The following PTCHD4 variants were observed in gnomAD, a reference collection of about 807,000 sequenced individuals.
PTCHD4 encodes the protein patched domain-containing protein 4.
Under a neutral mutation model 58.1 loss-of-function variants are expected in PTCHD4, and 33 were observed. The ratio of observed to expected loss-of-function variants is 0.57; its 90% confidence interval spans 0.43 to 0.76. PTCHD4 has a LOEUF of 0.76. Among genes scored for constraint, PTCHD4 ranks in the 30% least tolerant of loss-of-function variants. The pLI is 0.00. For missense variants in PTCHD4, 1,058 were observed against 1,027.1 expected, an observed-to-expected ratio of 1.03 and a Z score of -0.41; for synonymous variants, 478 against 409.6, an observed-to-expected ratio of 1.17 and a Z score of -2.02.
intron 4 of PTCHD4, among the ~76,000 whole-genome samples, chr6:47,930,987 G>T (rs532100506): frequency 1.1e-4 from 16 of 152,288 alleles, no homozygotes; most frequent in African/African-American, 3.4e-4. Context: ...GTTTCACCAT[G>T]TTGGCTAAGC....
At chr6:47,896,883 C>G (rs1243121787) in intron 4 of PTCHD4, among the ~76,000 whole-genome samples, 1 of 152,148 alleles carries the variant, frequency 6.6e-6, no homozygotes, top group Non-Finnish European at 1.5e-5. Flanking sequence ...GACCAAAACC[C>G]AAATCGTCAG....
At chr6:47,929,083 G>A (rs1765725186) in intron 4 of PTCHD4, among the ~76,000 whole-genome samples, 1 of 152,012 alleles carries the variant, frequency 6.6e-6, no homozygotes, top group African/African-American at 2.4e-5. Context: ...TCATACATTG[G>A]TATCTAATAT....
intron 4 of PTCHD4, among the ~76,000 whole-genome samples, chr6:47,913,719 C>T (rs1765140370): frequency 6.6e-6 from 1 of 152,106 alleles, no homozygotes. Context: ...CTTCTCATTT[C>T]AAGGCTCCAG....
intron 4 of PTCHD4, among the ~76,000 whole-genome samples, chr6:47,932,380 CTA>C (rs1326249339): frequency 6.6e-6 from 1 of 152,090 alleles, no homozygotes; most frequent in African/African-American, 2.4e-5. Flanking sequence ...AAGATGGGGG[CTA>C]GAGGTGGAAA....
At chr6:47,934,873 G>T (rs1331253837) in intron 4 of PTCHD4, among the ~76,000 whole-genome samples, 1 of 152,102 alleles carries the variant, frequency 6.6e-6, no homozygotes, top group Admixed American at 6.5e-5. Context: ...TTAAATAAAT[G>T]TTCAAACTTC....
At chr6:48,047,959 A>C (rs1169170415) in intron 3 of PTCHD4, among the ~76,000 whole-genome samples, 2 of 151,310 alleles carry the variant, frequency 1.3e-5, no homozygotes, top group African/African-American at 4.9e-5. Context: ...TACACATAAG[A>C]ATTCTCTCAC....
intron 4 of PTCHD4, among the ~76,000 whole-genome samples, chr6:47,896,955 T>C (rs1764545361): frequency 6.6e-6 from 1 of 152,204 alleles, no homozygotes; most frequent in African/African-American, 2.4e-5. Context: ...GCAATGACTG[T>C]GTCTTGCCAT....
intron 4 of PTCHD4, among the ~76,000 whole-genome samples, chr6:47,968,287 G>A (rs757371144): frequency 2.0e-5 from 3 of 152,132 alleles, no homozygotes; most frequent in Non-Finnish European, 4.4e-5. Context: ...TAAGTTTGAT[G>A]TCTTACATGG....
intron 4 of PTCHD4, among the ~76,000 whole-genome samples, chr6:48,007,462 G>A (rs772098659): frequency 1.3e-5 from 2 of 152,126 alleles, no homozygotes; most frequent in East Asian, 1.9e-4. Context: ...TGCCAATAAA[G>A]CTGTAATTCA....
chr6:47,889,523 T>A (rs1319005401), intron 4 of PTCHD4, among the ~76,000 whole-genome samples: 1 of 152,184 alleles, frequency 6.6e-6, no homozygotes, highest in African/African-American at 2.4e-5. Context: ...CTTGTAAATT[T>A]GTTTGAGTTC....
intron 4 of PTCHD4, among the ~76,000 whole-genome samples, chr6:47,893,588 C>T (rs1257210725): frequency 1.3e-5 from 2 of 152,218 alleles, no homozygotes; most frequent in Admixed American, 1.3e-4. Flanking sequence ...TGAACTACTC[C>T]ATGGCTCGAT....
At chr6:48,045,065 C>A (rs75067380) in intron 3 of PTCHD4, among the ~76,000 whole-genome samples, 32,492 of 151,694 alleles carry the variant, frequency 0.21, 3,668 homozygotes, top group South Asian at 0.31. Flanking sequence ...TCCATCTCTG[C>A]CACAATGGTT....
intron 3 of PTCHD4, among the ~76,000 whole-genome samples, chr6:48,030,858 G>A (rs778623725): frequency 6.6e-6 from 1 of 152,002 alleles, no homozygotes; most frequent in Non-Finnish European, 1.5e-5. Flanking sequence ...TATTTTCATA[G>A]AAATATCCCT....
intron 4 of PTCHD4, among the ~76,000 whole-genome samples, chr6:47,971,138 A>G (rs935505541): frequency 1.3e-5 from 2 of 152,190 alleles, no homozygotes; most frequent in African/African-American, 4.8e-5. Context: ...CGGAACACTG[A>G]AACCCAAACA....
chr6:47,931,580 A>G (rs1765823021), intron 4 of PTCHD4, among the ~76,000 whole-genome samples: 1 of 152,228 alleles, frequency 6.6e-6, no homozygotes, highest in South Asian at 2.1e-4. Context: ...AGGAGCAATG[A>G]AATAATTCCT....
Position 48,068,539 on chromosome 6 carries a change from G to A in PTCHD4, c.108C>T (p.Ser36=). 1.2e-6 allele frequency: 2 copies of A among 1,608,366 alleles called. No individual in the cohort carries two copies. The highest frequency in any genetic ancestry group is 8.5e-7 in the Non-Finnish European group (1 of 1,178,862). The change falls in exon 3 of 5, where the codon AGC becomes AGT. Residue 36 remains serine, a synonymous_variant. Coordinates refer to ENST00000339488, the MANE Select transcript of PTCHD4 (RefSeq NM_001384253.1). This position sits in a 1 kb window ranked among gnomAD's most constrained non-coding sequence, Gnocchi z 4.2. ...SFCHRLGLCV[S]RHPVFFLTVP... is the part of the protein sequence containing the mutation. ...CGGTGAGGAAAAAGACCGGGTGCCG[G>A]CTCACGCACAAACCCAGCCTGTGGC...
intron 4 of PTCHD4, among the ~76,000 whole-genome samples, chr6:47,938,671 T>C (rs552390523): frequency 6.6e-6 from 1 of 152,330 alleles, no homozygotes; most frequent in East Asian, 1.9e-4. Context: ...AATGAATTTA[T>C]AGTGAGAATA....
chr6:47,991,840 A>G (rs1768290579), intron 4 of PTCHD4, among the ~76,000 whole-genome samples: 1 of 152,070 alleles, frequency 6.6e-6, no homozygotes, highest in Non-Finnish European at 1.5e-5. Context: ...AAATTTGTAA[A>G]AGGGAAAAAT....
At chr6:48,061,007 G>A (rs541896088) in intron 3 of PTCHD4, among the ~76,000 whole-genome samples, 34 of 152,292 alleles carry the variant, frequency 2.2e-4, no homozygotes, top group African/African-American at 7.5e-4. Context: ...TAATAATCCT[G>A]TCTGAAGAAA....
Sources: gnomAD v4.1 joint callset for allele counts (sites outside exome capture counted in the v4.1 genomes callset) on GRCh38, gnomAD v4.1.1 for gene constraint, Gnocchi (gnomAD v3.1) non-coding constraint, MANE v1.5 for transcripts, NCBI Gene and HGNC (gene_info 2026-07-23, HGNC 2026-07-21) for gene names.